ACSM5: variants seen among roughly 807,000 people sequenced by gnomAD.
ACSM5 encodes the protein acyl-coenzyme A synthetase ACSM5, mitochondrial.
A neutral mutation model predicts 71.6 loss-of-function variants in ACSM5; 56 were observed. That is an observed-to-expected ratio of 0.78 (90% CI 0.63 to 0.98). ACSM5 has a LOEUF of 0.98. Ranked by LOEUF, ACSM5 falls within the 50% of genes least tolerant of loss-of-function variation. The pLI is 0.00. For missense variants in ACSM5, 723 were observed against 726.0 expected, an observed-to-expected ratio of 1.00 and a Z score of 0.05; for synonymous variants, 285 against 281.5, an observed-to-expected ratio of 1.01 and a Z score of -0.12.
At position 20,431,033 on chromosome 16, in the gene ACSM5, C is replaced by G. The variant is rs143252778; in HGVS notation, c.1166C>G (p.Ser389Cys). The change falls in exon 9 of 14, where the codon TCT becomes TGT. Residue 389 changes from serine to cysteine, a missense_variant. Transcript: ENST00000331849. Reference sequence around the variant, plus strand: ...AATCCAAAAGGCATGAAAATCAAGTCTGGATCCATGGGGAAGGCGTCCCCA... The same window carrying G: ...AATCCAAAAGGCATGAAAATCAAGTGTGGATCCATGGGGAAGGCGTCCCCA... Reference protein sequence around the residue: ...CANPKGMKIKSGSMGKASPPY... With the variant: ...CANPKGMKIKCGSMGKASPPY... 1.9e-6 allele frequency: 3 copies of G among 1,613,860 alleles called. No homozygotes were observed. The African/African-American group carries it at 4.0e-5, about 22-fold the overall frequency.
At chr16:20,424,144 C>A in intron 6 of ACSM5, 75 bp downstream of exon 6, 1 of 1,533,268 alleles carries the variant, frequency 6.5e-7, no homozygotes, top group South Asian at 1.2e-5. Context: ...TTTCAGACTG[C>A]AGGAGAAAAC....
In ACSM5 at chr16:20,430,982, G is replaced by A. The variant is rs181053820; in HGVS notation, c.1126-11G>A. 467 of 1,608,004 alleles carry A rather than the reference G, an allele frequency of 2.9e-4. 4 individuals carry two copies. The African/African-American group carries it at 5.6e-3, about 19-fold the overall frequency. ...AAAGGCTCTTCTTTATCTGTACTGC[G>A]TTCTCCCCAGGTTGTCATCTGTGCC... On this transcript the variant is annotated splice_polypyrimidine_tract_variant and intron_variant, in intron 8 of 13. Transcript: ENST00000331849.
chr16:20,436,275 C>T (rs1460537915), intron 10 of ACSM5, among the ~76,000 whole-genome samples: 4 of 144,030 alleles, frequency 2.8e-5, no homozygotes, highest in Admixed American at 1.4e-4. Context: ...CCCCTCCCCT[C>T]CCCTTCCTTT....
chr16:20,418,379 T>C, intron 3 of ACSM5, 110 bp downstream of exon 3: 2 of 1,082,306 alleles, frequency 1.8e-6, no homozygotes, highest in Non-Finnish European at 2.6e-6. Context: ...TATGTGGAGT[T>C]GTGTTTACTT....
rs1382319240 is a variant in ACSM5, at chr16:20,411,541, C to T, written c.57C>T (p.Phe19=). ...VLQALRNSRA[F]CGSHGKPAPL... ...AGGCACTGAGGAACTCCAGGGCATT[C>T]TGTGGGTCTCATGGGAAGCCAGCAC... The change falls in exon 2 of 14, where the codon TTC becomes TTT. Residue 19 remains phenylalanine (F), a synonymous_variant. Transcript: ENST00000331849. The T allele has an allele frequency of 2.5e-6, 4 of 1,614,068 alleles. No homozygotes were observed. Among genetic ancestry groups the T allele is most frequent in the East Asian group, 2.2e-5 (1 of 44,900 alleles).
chr16:20,423,335 C>T (rs968178024), intron 5 of ACSM5, among the ~76,000 whole-genome samples: 4 of 152,168 alleles, frequency 2.6e-5, no homozygotes, highest in African/African-American at 9.7e-5. Context: ...ACACTGTTTC[C>T]CATTCCTGGG....
intron 12 of ACSM5, among the ~76,000 whole-genome samples, chr16:20,437,945 C>A (rs1444929046): frequency 1.5e-5 from 1 of 64,654 alleles, no homozygotes. Flanking sequence ...GCCCCAGCAC[C>A]CCCCCCAGTA....
At chr16:20,420,383 C>T (rs1408110300) in intron 4 of ACSM5, among the ~76,000 whole-genome samples, 2 of 152,134 alleles carry the variant, frequency 1.3e-5, no homozygotes, top group African/African-American at 4.8e-5. Flanking sequence ...GGCAGATCAC[C>T]CGAGGTCGGG....
chr16:20,422,808 G>A (rs1966904263), intron 5 of ACSM5, among the ~76,000 whole-genome samples: 1 of 152,146 alleles, frequency 6.6e-6, no homozygotes, highest in African/African-American at 2.4e-5. Flanking sequence ...TTTCAACCTA[G>A]ACCCAATAAG....
rs771811390 is a variant in ACSM5, at chr16:20,419,376, C to A, written c.564C>A (p.Thr188=). The A allele has an allele frequency of 1.2e-6, 2 of 1,614,200 alleles. No individual in the cohort carries two copies. Among genetic ancestry groups the A allele is most frequent in the Non-Finnish European group, 8.5e-7 (1 of 1,180,026 alleles). The change falls in exon 4 of 14, where the codon ACC becomes ACA. Residue 188 remains threonine, a synonymous_variant. Transcript: ENST00000331849. ...GTGCCGAATGCCCCTCCCTCCAGAC[C>A]AAGCTGCTGGTGTCAGACAGCAGTC... is the stretch of plus-strand genomic sequence containing the variant. ...AISAECPSLQ[T]KLLVSDSSRP...
At chr16:20,425,447 A>C (rs1017275827) in intron 6 of ACSM5, among the ~76,000 whole-genome samples, 1 of 152,144 alleles carries the variant, frequency 6.6e-6, no homozygotes, top group East Asian at 1.9e-4. Context: ...AATTATTTTC[A>C]TAGGTTATTG....
chr16:20,424,760 A>G (rs913663429), intron 6 of ACSM5, among the ~76,000 whole-genome samples: 1 of 152,222 alleles, frequency 6.6e-6, no homozygotes, highest in Non-Finnish European at 1.5e-5. Context: ...CCTCATCTGT[A>G]AGAAAGGGAT....
intron 10 of ACSM5, among the ~76,000 whole-genome samples, chr16:20,436,212 C>T (rs1967195393): frequency 1.4e-5 from 2 of 139,236 alleles, no homozygotes; most frequent in South Asian, 5.1e-4. Flanking sequence ...TCCTTCTCTT[C>T]CCTTCTCTTC....
chr16:20,428,562 G>A lies in ACSM5; in HGVS notation c.1001+695G>A, dbSNP rs553743583. On this transcript the variant is annotated intron_variant, in intron 7 of 13. Coordinates refer to ENST00000331849, the MANE Select transcript of ACSM5 (RefSeq NM_017888.3). ...CCTGTTCTCCCTCTTTTGTCCTCCC[G>A]TAAGTCATGAGGAGTCGTCCTCTCA... is the stretch of plus-strand genomic sequence containing the variant. Among the ~76,000 whole-genome samples the A allele has an allele frequency of 3.9e-5, 6 of 152,244 alleles. No homozygotes were observed. In the South Asian group the frequency reaches 6.2e-4, roughly 16 times the overall value.
rs770031289 is a variant in ACSM5 at position 20,419,337 on chromosome 16, G to A, written c.525G>A (p.Arg175=). 6 of 1,614,022 alleles carry A rather than the reference G, an allele frequency of 3.7e-6. No individual in the cohort carries two copies. The East Asian group carries it at 1.3e-4, about 36-fold the overall frequency. ...SIITSDSLAP[R]VDAISAECPS... ...TCACCAGTGACTCCCTAGCTCCAAG[G>A]GTGGATGCCATCAGTGCCGAATGCC... The change falls in exon 4 of 14, where the codon AGG becomes AGA. Residue 175 remains arginine (R), a synonymous_variant. Coordinates refer to ENST00000331849, the MANE Select transcript of ACSM5 (RefSeq NM_017888.3).
rs59443556 is a variant in ACSM5, at chr16:20,421,615, CTATATATATATA to C, written c.767+245_767+256del. ...TGGGAGGTTTCTTTTTAAATCGTGG[CTATATATATATA>C]TATATATATATATATATATATATAT... On this transcript the variant is annotated intron_variant, in intron 5 of 13. Coordinates refer to ENST00000331849, the MANE Select transcript of ACSM5 (RefSeq NM_017888.3). 8.5e-3 allele frequency among the ~76,000 whole-genome samples: 897 copies of C among 105,768 alleles called. 25 individuals are homozygous for C. Among genetic ancestry groups the C allele is most frequent in the East Asian group, 0.053 (199 of 3,776 alleles). 69.4% of individuals were successfully genotyped at this position (105,768 alleles called of 152,430 possible).
chr16:20,429,569 G>C, intron 7 of ACSM5, 109 bp from the exon 8 acceptor site: 1 of 1,458,542 alleles, frequency 6.9e-7, no homozygotes, highest in South Asian at 1.2e-5. Flanking sequence ...AAAAAGCAGG[G>C]GCATCTACCC....
chr16:20,421,381 G>T lies in ACSM5; in HGVS notation c.747G>T (p.Leu249=), dbSNP rs758467468. The T allele has an allele frequency of 1.9e-6, 3 of 1,598,486 alleles. No individual in the cohort carries two copies. The highest frequency in any genetic ancestry group is 2.7e-5 in the African/African-American group (2 of 74,412). The change falls in exon 5 of 14, where the codon CTG becomes CTT. Residue 249 remains leucine (L), a synonymous_variant. Transcript: ENST00000331849. ...AGCACTCCCAGAGCAGCTACGGACT[G>T]GGTTTTGTGGCCAGCGGAAGGTACC... ...MVEHSQSSYG[L]GFVASGRRWV...
Position 20,419,318 on chromosome 16 carries a change from G to C in ACSM5, c.506G>C (p.Ser169Thr). The change falls in exon 4 of 14, where the codon AGT (serine) becomes ACT (threonine). Residue 169 changes from serine (S) to threonine (T), a missense_variant. Ser to Thr is a moderately conservative substitution (Grantham distance 58). Coordinates refer to ENST00000331849, the MANE Select transcript of ACSM5 (RefSeq NM_017888.3). ...QASRAKSIIT[S>T]DSLAPRVDAI... ...TCCAGGGCCAAGTCCATTATCACCA[G>C]TGACTCCCTAGCTCCAAGGGTGGAT... is the stretch of plus-strand genomic sequence containing the variant. The C allele has an allele frequency of 6.2e-7, 1 of 1,614,122 alleles. No individual in the cohort carries two copies. Among genetic ancestry groups the C allele is most frequent in the South Asian group, 1.1e-5 (1 of 91,080 alleles).
Sources: gnomAD v4.1 joint callset for allele counts (sites outside exome capture counted in the v4.1 genomes callset) on GRCh38, gnomAD v4.1.1 for gene constraint, MANE v1.5 for transcripts, NCBI Gene and HGNC (gene_info 2026-07-23, HGNC 2026-07-21) for gene names.